The following NEMP2 variants were observed in gnomAD, a reference collection of about 807,000 sequenced individuals.
The protein encoded by NEMP2 is UPF0571 transmembrane protein.
In NEMP2, 53 loss-of-function variants were observed where a neutral mutation model predicts 54.2. The observed-to-expected ratio is 0.98, with a 90% CI of 0.78 to 1.23. The LOEUF is 1.23. Among genes scored for constraint, NEMP2 ranks in the 50% most tolerant of loss-of-function variants. NEMP2 has a pLI of 0.00. For synonymous variants in NEMP2, 197 were observed against 190.3 expected (o/e 1.04, Z -0.29); for missense variants, 455 against 511.3 (o/e 0.89, Z 1.06).
the NEMP2 span, among the ~76,000 whole-genome samples, chr2:190,493,607 G>A: frequency 6.6e-6 from 1 of 152,156 alleles, no homozygotes; most frequent in Admixed American, 6.5e-5. Context: ...CTCCAAGATA[G>A]ACTATATGAT....
the NEMP2 span, among the ~76,000 whole-genome samples, chr2:190,619,045 G>A: frequency 6.6e-6 from 1 of 152,184 alleles, no homozygotes; most frequent in South Asian, 2.1e-4. The surrounding 1 kb of genome is among the most constrained non-coding windows in gnomAD (Gnocchi z 5.5). Context: ...AGAGAGCAAA[G>A]CTACTTCTCA....
At chr2:190,486,786 A>T in the NEMP2 span, among the ~76,000 whole-genome samples, 1 of 152,198 alleles carries the variant, frequency 6.6e-6, no homozygotes, top group Non-Finnish European at 1.5e-5. Flanking sequence ...TCTCCAAATG[A>T]GACTATTTCT....
At chr2:190,483,201 C>T in the NEMP2 span, among the ~76,000 whole-genome samples, 2 of 151,966 alleles carry the variant, frequency 1.3e-5, no homozygotes, top group Non-Finnish European at 2.9e-5. Context: ...CGACTATCAT[C>T]TTTTAAACTG....
chr2:190,588,730 C>T, the NEMP2 span, among the ~76,000 whole-genome samples: 1 of 152,042 alleles, frequency 6.6e-6, no homozygotes, highest in African/African-American at 2.4e-5. The surrounding 1 kb of genome is among the most constrained non-coding windows in gnomAD (Gnocchi z 5.0). Flanking sequence ...AGAGATTATC[C>T]TAATTGAGAA....
the NEMP2 span, among the ~76,000 whole-genome samples, chr2:190,459,735 T>C: frequency 6.6e-6 from 1 of 152,216 alleles, no homozygotes; most frequent in Non-Finnish European, 1.5e-5. This position sits in a 1 kb window ranked among gnomAD's most constrained non-coding sequence, Gnocchi z 5.3. Context: ...AGTTACACTC[T>C]TAGCTTATCA....
chr2:190,631,192 T>C, the NEMP2 span, among the ~76,000 whole-genome samples: 1 of 152,176 alleles, frequency 6.6e-6, no homozygotes, highest in Admixed American at 6.6e-5. Context: ...GAGTTCTAGA[T>C]GGGGAAGAAA....
chr2:190,603,957 T>C, the NEMP2 span, among the ~76,000 whole-genome samples: 1 of 152,200 alleles, frequency 6.6e-6, no homozygotes, highest in Admixed American at 6.5e-5. Flanking sequence ...TTTTCATTCT[T>C]TCTTCTAATC....
chr2:190,584,575 A>C, the NEMP2 span, among the ~76,000 whole-genome samples: 2 of 152,130 alleles, frequency 1.3e-5, no homozygotes, highest in Non-Finnish European at 2.9e-5. This position sits in a 1 kb window ranked among gnomAD's most constrained non-coding sequence, Gnocchi z 4.2. Context: ...ACAATTTGTT[A>C]ATATAAAGAA....
the NEMP2 span, among the ~76,000 whole-genome samples, chr2:190,588,678 G>A: frequency 6.6e-6 from 1 of 152,132 alleles, no homozygotes; most frequent in African/African-American, 2.4e-5. The surrounding 1 kb of genome is among the most constrained non-coding windows in gnomAD (Gnocchi z 5.0). Flanking sequence ...AATGTAAGTA[G>A]GAATTGATGC....
chr2:190,571,709 G>A, the NEMP2 span, among the ~76,000 whole-genome samples: 9 of 152,128 alleles, frequency 5.9e-5, no homozygotes, highest in Non-Finnish European at 1.2e-4. Context: ...TTTTACTTGA[G>A]CTAATAAATG....
At chr2:190,641,059 A>G in the NEMP2 span, 1 of 152,180 alleles carries the variant, frequency 6.6e-6, no homozygotes, top group African/African-American at 2.4e-5. Context: ...GTCCCACGTC[A>G]AGAGGCTGGT....
chr2:190,600,078 C>T, the NEMP2 span, among the ~76,000 whole-genome samples: 1 of 152,184 alleles, frequency 6.6e-6, no homozygotes, highest in East Asian at 1.9e-4. The surrounding 1 kb of genome is among the most constrained non-coding windows in gnomAD (Gnocchi z 4.9). Flanking sequence ...GCAACTAGAA[C>T]CTTAGAAAAT....
chr2:190,607,626 T>C, the NEMP2 span: 1 of 152,162 alleles, frequency 6.6e-6, no homozygotes. The surrounding 1 kb of genome is among the most constrained non-coding windows in gnomAD (Gnocchi z 5.2). Context: ...CCAACCTTAC[T>C]CCTGTATTTT....
At position 190,509,655 on chromosome 2, in the gene NEMP2, T is replaced by C. The variant is rs2125302294; in HGVS notation, c.1131-343A>G. 6.6e-6 allele frequency among the ~76,000 whole-genome samples: 1 copy of C among 152,376 alleles called. No homozygotes were observed. The highest frequency in any genetic ancestry group is 2.1e-4 in the South Asian group (1 of 4,834). On this transcript the variant is annotated intron_variant, in intron 8 of 8. Coordinates refer to ENST00000409150, the MANE Select transcript of NEMP2 (RefSeq NM_001142645.2). This position sits in a 1 kb window ranked among gnomAD's most constrained non-coding sequence, Gnocchi z 6.1. ...AAATACTTCCCCCTTCCATCTTTAATTTGAGGGCACTGTTATTTGGATAAA... is the reference window on the plus strand; with the variant it reads ...AAATACTTCCCCCTTCCATCTTTAACTTGAGGGCACTGTTATTTGGATAAA...
the NEMP2 span, among the ~76,000 whole-genome samples, chr2:190,646,201 GA>G: frequency 3.3e-5 from 5 of 152,222 alleles, no homozygotes; most frequent in African/African-American, 1.2e-4. Flanking sequence ...ATGCCTCCAA[GA>G]ACACTCTAAA....
chr2:190,463,942 G>C, the NEMP2 span: 4 of 958,076 alleles, frequency 4.2e-6, no homozygotes, highest in Non-Finnish European at 2.5e-6. This position sits in a 1 kb window ranked among gnomAD's most constrained non-coding sequence, Gnocchi z 4.4. Flanking sequence ...GAGGCAGACT[G>C]TAGACTGTGC....
the NEMP2 span, among the ~76,000 whole-genome samples, chr2:190,544,703 G>GA: frequency 6.6e-6 from 1 of 152,034 alleles, no homozygotes; most frequent in Non-Finnish European, 1.5e-5. Context: ...CAGTTAATCT[G>GA]AAAAAAGCAA....
the NEMP2 span, among the ~76,000 whole-genome samples, chr2:190,555,992 C>G: frequency 9.9e-5 from 15 of 152,242 alleles, no homozygotes; most frequent in African/African-American, 3.4e-4. This position sits in a 1 kb window ranked among gnomAD's most constrained non-coding sequence, Gnocchi z 4.8. Flanking sequence ...CCAGCATCGC[C>G]CTGATACCAA....
At chr2:190,467,104 A>G in the NEMP2 span, among the ~76,000 whole-genome samples, 10 of 152,204 alleles carry the variant, frequency 6.6e-5, no homozygotes, top group African/African-American at 2.4e-4. This position sits in a 1 kb window ranked among gnomAD's most constrained non-coding sequence, Gnocchi z 5.5. Context: ...AGGAAAGTGG[A>G]TTACCAACAT....
Sources: allele counts gnomAD v4.1 joint callset (sites outside exome capture counted in the v4.1 genomes callset), GRCh38; gene constraint gnomAD v4.1.1; non-coding constraint Gnocchi (gnomAD v3.1); transcripts MANE v1.5; gene names NCBI Gene and HGNC (gene_info 2026-07-23, HGNC 2026-07-21).